DCLRE1B: variants seen among roughly 807,000 people sequenced by gnomAD.
DCLRE1B encodes 5' exonuclease Apollo.
A neutral mutation model predicts 19.8 loss-of-function variants in DCLRE1B; 6 were observed. That is an observed-to-expected ratio of 0.30 (90% CI 0.17 to 0.60). The LOEUF (loss-of-function observed/expected upper bound fraction) is 0.60. Among genes scored for constraint, DCLRE1B ranks in the 20% least tolerant of loss-of-function variants. The probability of loss-of-function intolerance (pLI) is 0.87; values close to 1 mark genes in which losing one functional copy is unlikely to be tolerated. For missense variants in DCLRE1B, 622 were observed against 654.2 expected (o/e 0.95, Z 0.54); for synonymous variants, 258 against 255.7 (o/e 1.01, Z -0.09).
intron 2 of DCLRE1B, 43 bp downstream of exon 2, chr1:113,907,204 G>GTTTTGTTTTTTTTTTT (rs1669055897): frequency 4.3e-6 from 2 of 465,990 alleles, no homozygotes; most frequent in African/African-American, 5.9e-5. Flanking sequence ...CAGACTAGAT[G>GTTTTGTTTTTTTTTTT]TTTTTTTTTT....
At chr1:113,908,479 G>A (rs530706503) in intron 3 of DCLRE1B, among the ~76,000 whole-genome samples, 13 of 152,160 alleles carry the variant, frequency 8.5e-5, no homozygotes, top group African/African-American at 2.7e-4. Context: ...ACGATGGTGC[G>A]TGCCTGTGGT....
chr1:113,904,841 C>G, upstream of DCLRE1B: 4 of 889,838 alleles, frequency 4.5e-6, no homozygotes, highest in South Asian at 5.3e-5. Context: ...GGCGAGATCT[C>G]GCCTCAGGCT....
chr1:113,905,999 T>G (rs1668921818), intron 1 of DCLRE1B, among the ~76,000 whole-genome samples: 1 of 151,192 alleles, frequency 6.6e-6, no homozygotes, highest in Admixed American at 6.6e-5. Flanking sequence ...CCAAGGAAAC[T>G]ATTCCTACCT....
chr1:113,911,329 A>T lies in DCLRE1B; in HGVS notation c.737A>T (p.Asn246Ile). 1.2e-6 allele frequency: 2 copies of T among 1,614,112 alleles called. No homozygotes were observed. Among genetic ancestry groups the T allele is most frequent in the Non-Finnish European group, 1.7e-6 (2 of 1,180,018 alleles). The change falls in exon 4 of 4, where the codon AAC (asparagine) becomes ATC (isoleucine). Residue 246 changes from asparagine (N) to isoleucine (I), a missense_variant. Asn to Ile is a moderately radical substitution (Grantham distance 149, BLOSUM62 -3). Transcript: ENST00000650450. ...EICHSNMLRWNQTHPTIAILP... is the reference protein window; with the variant it reads ...EICHSNMLRWIQTHPTIAILP... ...TGCCATTCCAACATGCTGCGTTGGA[A>T]CCAGACCCACCCTACGATTGCTATC...
upstream of DCLRE1B, chr1:113,904,662 T>A: frequency 6.2e-7 from 1 of 1,613,260 alleles, no homozygotes; most frequent in Non-Finnish European, 8.5e-7. Flanking sequence ...AATGTGAGGA[T>A]TGCACAGAGC....
rs765057241 is a variant in DCLRE1B at position 113,908,229 on chromosome 1, T to C, written c.538+38T>C. On this transcript the variant is annotated intron_variant, in intron 3 of 3. Coordinates refer to ENST00000650450, the MANE Select transcript of DCLRE1B (RefSeq NM_022836.4). ...CTTTCAGTTTCCTGTCACCTGTAGA[T>C]AGTGAACTAGATTCTTTAAGGATTC... The C allele has an allele frequency of 6.9e-6, 11 of 1,592,408 alleles. No homozygotes were observed. In the East Asian group the frequency reaches 1.8e-4, roughly 26 times the overall value.
Position 113,905,508 on chromosome 1 carries a change from G to A in DCLRE1B, c.-79G>A. On this transcript the variant is annotated 5_prime_UTR_variant, in exon 1 of 4. Coordinates refer to ENST00000650450, the MANE Select transcript of DCLRE1B (RefSeq NM_022836.4). ...TTCTTGCCCCAGCATGACTTTTATC[G>A]GGACGCCGTTGTGGAAGCCTCACGC... is the stretch of plus-strand genomic sequence containing the variant. The A allele has an allele frequency of 6.8e-7, 1 of 1,464,058 alleles. No homozygotes were observed. The highest frequency in any genetic ancestry group is 9.4e-7 in the Non-Finnish European group (1 of 1,060,196). The allele number at this position is 1,464,058 out of a possible 1,614,324, so 90.7% of individuals were successfully genotyped here. A position where few individuals can be genotyped will look rare whatever the true frequency, so the allele number is the denominator to read the frequency against.
chr1:113,913,946 G>C lies in DCLRE1B; in HGVS notation c.*1755G>C, dbSNP rs954543478. On this transcript the variant is annotated 3_prime_UTR_variant, in exon 4 of 4. Coordinates refer to ENST00000650450, the MANE Select transcript of DCLRE1B (RefSeq NM_022836.4). The stretch of plus-strand genomic sequence containing the variant: ...GATATCTTAAGCATTTCACTTATTA[G>C]ATATTGTTCAAAAATGCCATTTTTA... 3 of 151,868 alleles carry C rather than the reference G, an allele frequency of 2.0e-5. No individual in the cohort carries two copies. The highest frequency in any genetic ancestry group is 4.4e-5 in the Non-Finnish European group (3 of 67,982). 9.4% of individuals were successfully genotyped at this position (151,868 alleles called of 1,614,324 possible).
At chr1:113,910,280 C>T (rs941037355) in intron 3 of DCLRE1B, among the ~76,000 whole-genome samples, 4 of 152,196 alleles carry the variant, frequency 2.6e-5, no homozygotes, top group African/African-American at 4.8e-5. Flanking sequence ...AGCTTCTTAG[C>T]GGTACATATA....
chr1:113,906,631 CA>C (rs1257444862), intron 1 of DCLRE1B, among the ~76,000 whole-genome samples: 1 of 152,020 alleles, frequency 6.6e-6, no homozygotes, highest in African/African-American at 2.4e-5. Flanking sequence ...GCTGGGACTA[CA>C]GGCGCCCGCC....
At chr1:113,906,917 C>T (rs1052262076) in intron 1 of DCLRE1B, 79 bp from the exon 2 acceptor site, 3 of 1,515,028 alleles carry the variant, frequency 2.0e-6, no homozygotes, top group Middle Eastern at 3.7e-4. Flanking sequence ...TTTCCTGATT[C>T]ATGTAAGGGA....
In DCLRE1B at chr1:113,905,755, C is replaced by A; in HGVS notation, c.169C>A (p.Leu57Ile). Residue 57 changes from leucine (L) to isoleucine (I), a missense_variant, in exon 1 of 4, where the codon CTC becomes ATC. By Grantham distance (5) the Leu-to-Ile change is conservative. Coordinates refer to ENST00000650450, the MANE Select transcript of DCLRE1B (RefSeq NM_022836.4). ...PLYCSPITAH[L>I]LHRHLQVSKQ... ...CTACTGCTCCCCAATTACAGCCCAC[C>A]TCTTGCATCGTCACCTACAGGTATG... The A allele has an allele frequency of 6.2e-7, 1 of 1,613,700 alleles. No homozygotes were observed. Among genetic ancestry groups the A allele is most frequent in the Non-Finnish European group, 8.5e-7 (1 of 1,179,776 alleles).
chr1:113,905,134 T>C (rs921738822), upstream of DCLRE1B: 3 of 352,164 alleles, frequency 8.5e-6, no homozygotes, highest in South Asian at 5.0e-5. Context: ...CGCCCCCTTG[T>C]CAAGAGACCA....
chr1:113,911,937 G>A lies in DCLRE1B; in HGVS notation c.1345G>A (p.Glu449Lys). The change falls in exon 4 of 4, where the codon GAG (glutamate) becomes AAG (lysine). Residue 449 changes from glutamate (E) to lysine (K), a missense_variant. Physicochemically the swap from Glu to Lys is moderately conservative, Grantham distance 56. Transcript: ENST00000650450. ...GGAGTTTATTTCTCAAAAAACCAGG[G>A]AGGAAATTGGTTTAGGGTCCCCCTT... ...DEEFISQKTR[E>K]EIGLGSPLVP... The A allele has an allele frequency of 1.9e-6, 3 of 1,614,214 alleles. No homozygotes were observed. Among genetic ancestry groups the A allele is most frequent in the Non-Finnish European group, 2.5e-6 (3 of 1,180,046 alleles).
In DCLRE1B at chr1:113,908,030, C is replaced by T. The variant is rs1339289910; in HGVS notation, c.377C>T (p.Ser126Phe). Residue 126 changes from serine (S) to phenylalanine (F), a missense_variant, in exon 3 of 4, where the codon TCC (serine) becomes TTC (phenylalanine). Ser to Phe is a radical substitution (Grantham distance 155, BLOSUM62 -2). Around this residue, in one of 3 missense-constraint regions of DCLRE1B, gnomAD observed 237 missense variants for 223.8 expected, o/e 1.06. Transcript: ENST00000650450. ...CCAGGTGATTTTCGATACACACCATCCATGCTAAAGGAGCCAGCCCTGACA... is the reference window on the plus strand; with the variant it reads ...CCAGGTGATTTTCGATACACACCATTCATGCTAAAGGAGCCAGCCCTGACA... ...LYTGDFRYTP[S>F]MLKEPALTLG... 4 of 1,613,980 alleles carry T rather than the reference C, an allele frequency of 2.5e-6. No homozygotes were observed. The highest frequency in any genetic ancestry group is 3.4e-6 in the Non-Finnish European group (4 of 1,179,924).
chr1:113,911,069 T>G, intron 3 of DCLRE1B, 62 bp from the exon 4 acceptor site: 1 of 1,459,324 alleles, frequency 6.9e-7, no homozygotes, highest in African/African-American at 1.4e-5. Flanking sequence ...TTTATTAGGA[T>G]TTTCCAATAG....
At chr1:113,904,782 T>C, upstream of DCLRE1B, 1 of 1,327,206 alleles carries the variant, frequency 7.5e-7, no homozygotes, top group Non-Finnish European at 1.1e-6. Flanking sequence ...CTTCTCGTCC[T>C]GATGTGGGAG....
chr1:113,910,851 G>A (rs1288140301), intron 3 of DCLRE1B, among the ~76,000 whole-genome samples: 1 of 152,114 alleles, frequency 6.6e-6, no homozygotes, highest in African/African-American at 2.4e-5. Context: ...TCTCCTTGTA[G>A]ATAGTACTTC....
intron 1 of DCLRE1B, among the ~76,000 whole-genome samples, chr1:113,906,784 C>T (rs1669018564): frequency 1.3e-5 from 2 of 152,180 alleles, no homozygotes; most frequent in African/African-American, 2.4e-5. Context: ...TGAGCCACCA[C>T]GCCCGGCCAG....
Sources: allele counts gnomAD v4.1 joint callset (sites outside exome capture counted in the v4.1 genomes callset), GRCh38; gene constraint gnomAD v4.1.1; regional missense constraint gnomAD v4.1.1; transcripts MANE v1.5; gene names NCBI Gene and HGNC (gene_info 2026-07-23, HGNC 2026-07-21).